The following SNAP91 variants were observed in gnomAD, a reference collection of about 807,000 sequenced individuals.
SNAP91 encodes synaptosome associated protein 91.
Under a neutral mutation model 100.3 loss-of-function variants are expected in SNAP91, and 27 were observed. The observed-to-expected ratio is 0.27, with a 90% confidence interval of 0.20 to 0.37. The LOEUF (loss-of-function observed/expected upper bound fraction) is 0.37, where lower values mean the gene tolerates loss of function less well. Among genes scored for constraint, SNAP91 ranks in the 10% least tolerant of loss-of-function variants. SNAP91 has a pLI of 1.00. For synonymous variants in SNAP91, 404 were observed against 398.6 expected, an observed-to-expected ratio of 1.01 and a Z score of -0.16; for missense variants, 986 against 1,123.7, an observed-to-expected ratio of 0.88 and a Z score of 1.75.
chr6:83,697,355 C>CAT (rs1588035713), intron 2 of SNAP91, among the ~76,000 whole-genome samples: 1 of 150,742 alleles, frequency 6.6e-6, no homozygotes, highest in East Asian at 1.9e-4. Flanking sequence ...CACACACACA[C>CAT]ACACACACAC....
intron 11 of SNAP91, 50 bp downstream of exon 11, chr6:83,614,807 C>CA: frequency 7.0e-7 from 1 of 1,437,982 alleles, no homozygotes; most frequent in Non-Finnish European, 9.4e-7. Flanking sequence ...GTGTTTTTTG[C>CA]ATTTTTAGTA....
chr6:83,666,460 T>G (rs1450500942), intron 2 of SNAP91, among the ~76,000 whole-genome samples: 1 of 152,074 alleles, frequency 6.6e-6, no homozygotes, highest in Admixed American at 6.6e-5. Context: ...CACACTTATC[T>G]TGCAGAGACC....
chr6:83,690,155 CT>C (rs1284675198), intron 2 of SNAP91: 1 of 433,046 alleles, frequency 2.3e-6, no homozygotes, highest in East Asian at 1.3e-4. Context: ...GAGAGTTTTC[CT>C]AATGATTATG....
intron 2 of SNAP91, among the ~76,000 whole-genome samples, chr6:83,702,613 A>G (rs1030534501): frequency 3.9e-5 from 6 of 152,140 alleles, no homozygotes; most frequent in African/African-American, 1.4e-4. Flanking sequence ...TTTCCATATC[A>G]ACATTTTAAA....
At position 83,659,757 on chromosome 6, in the gene SNAP91, GTT is replaced by G. The variant is rs142190338; in HGVS notation, c.453-667_453-666del. 6.0e-5 allele frequency among the ~76,000 whole-genome samples: 9 copies of G among 150,870 alleles called. No individual in the cohort carries two copies. The East Asian group carries it at 1.6e-3, about 26-fold the overall frequency. ...AAAATATAAGCTTTCAAAAAAGCCAGTTTTTTTTTCTTTTTTTTTGAGAAAGA... is the reference window on the plus strand; with the variant it reads ...AAAATATAAGCTTTCAAAAAAGCCAGTTTTTTTCTTTTTTTTTGAGAAAGA... On this transcript the variant is annotated intron_variant, in intron 5 of 29. Transcript: ENST00000369694.
chr6:83,688,865 C>T (rs1307143509), intron 2 of SNAP91, among the ~76,000 whole-genome samples: 1 of 152,144 alleles, frequency 6.6e-6, no homozygotes, highest in Non-Finnish European at 1.5e-5. Flanking sequence ...CATACCACCA[C>T]GATAGCACTT....
intron 2 of SNAP91, among the ~76,000 whole-genome samples, chr6:83,705,863 A>G (rs971686278): frequency 4.0e-5 from 6 of 151,686 alleles, no homozygotes; most frequent in Non-Finnish European, 8.8e-5. Context: ...CCATTAAGTG[A>G]TGAAAGATTA....
intron 2 of SNAP91, among the ~76,000 whole-genome samples, chr6:83,687,784 ATTGTAGGATTTATATTTATT>A (rs1250588528): frequency 6.6e-6 from 1 of 152,146 alleles, no homozygotes; most frequent in Non-Finnish European, 1.5e-5. Flanking sequence ...GGCAGAGGAG[ATTGTAGGATTTATATTTATT>A]TTGTAGACAG....
intron 7 of SNAP91, among the ~76,000 whole-genome samples, chr6:83,652,196 A>C (rs1477351753): frequency 6.6e-6 from 1 of 152,124 alleles, no homozygotes; most frequent in Non-Finnish European, 1.5e-5. Flanking sequence ...ATTGAGGTTA[A>C]AGTGATTTTT....
At chr6:83,623,645 A>C (rs1390331139) in intron 8 of SNAP91, among the ~76,000 whole-genome samples, 1 of 152,146 alleles carries the variant, frequency 6.6e-6, no homozygotes, top group Non-Finnish European at 1.5e-5. Flanking sequence ...GAAGCTCAAA[A>C]TGTAAAACAC....
intron 2 of SNAP91, among the ~76,000 whole-genome samples, chr6:83,682,580 T>C (rs1006495540): frequency 2.0e-5 from 3 of 151,918 alleles, no homozygotes; most frequent in African/African-American, 7.2e-5. Context: ...TTTTTAAATT[T>C]TTTTATTTTA....
chr6:83,647,694 A>AAT (rs2097999617), intron 7 of SNAP91, among the ~76,000 whole-genome samples: 1 of 152,142 alleles, frequency 6.6e-6, no homozygotes, highest in South Asian at 2.1e-4. Flanking sequence ...ATTTATATAT[A>AAT]ATATATTACA....
rs377372296 is a variant in SNAP91 at position 83,575,023 on chromosome 6, G to C, written c.2429C>G (p.Pro810Arg). 6 of 1,593,524 alleles carry C rather than the reference G, an allele frequency of 3.8e-6. No homozygotes were observed. Among genetic ancestry groups the C allele is most frequent in the Non-Finnish European group, 4.3e-6 (5 of 1,168,840 alleles). ...APATWSAGVP[P>R]SAPLQGAVPP... is the part of the protein sequence containing the mutation. ...ATTGCTACATACCAAAGGTGCACTT[G>C]GTGGAACGCCTGCTGACCAGGTTGC... The change falls in exon 26 of 30, where the codon CCA (proline) becomes CGA (arginine). Residue 810 changes from proline (P) to arginine (R), a missense_variant. Transcript: ENST00000369694.
At chr6:83,554,487 A>T (rs180788540) in intron 29 of SNAP91, among the ~76,000 whole-genome samples, 11 of 151,440 alleles carry the variant, frequency 7.3e-5, no homozygotes, top group East Asian at 3.9e-4. Flanking sequence ...GCCAGAAATT[A>T]AAAAAAAACT....
chr6:83,658,893 G>T, intron 6 of SNAP91, 106 bp downstream of exon 6: 1 of 787,768 alleles, frequency 1.3e-6, no homozygotes, highest in Non-Finnish European at 2.0e-6. Context: ...TCTAAATGAA[G>T]ATCTATAGCT....
intron 8 of SNAP91, among the ~76,000 whole-genome samples, chr6:83,639,041 T>A (rs2097570157): frequency 6.6e-6 from 1 of 152,206 alleles, no homozygotes. Context: ...TTTAAGAAAT[T>A]TGAATAGTTC....
intron 10 of SNAP91, 56 bp downstream of exon 10, chr6:83,616,913 T>C: frequency 8.8e-7 from 1 of 1,136,490 alleles, no homozygotes; most frequent in Non-Finnish European, 1.3e-6. Context: ...ATCTCATTCT[T>C]AGAAGAACGA....
chr6:83,691,884 GAC>G (rs2099135114), intron 2 of SNAP91, among the ~76,000 whole-genome samples: 1 of 152,118 alleles, frequency 6.6e-6, no homozygotes, highest in Non-Finnish European at 1.5e-5. Context: ...AGCCATAACA[GAC>G]ACTCCAAAGT....
At chr6:83,650,043 T>A (rs2098130914) in intron 7 of SNAP91, among the ~76,000 whole-genome samples, 1 of 152,180 alleles carries the variant, frequency 6.6e-6, no homozygotes, top group Non-Finnish European at 1.5e-5. Context: ...ACCCCATAGC[T>A]GGCATTACGA....
Sources: gnomAD v4.1 joint callset for allele counts (sites outside exome capture counted in the v4.1 genomes callset) on GRCh38, gnomAD v4.1.1 for gene constraint, MANE v1.5 for transcripts, NCBI Gene and HGNC (gene_info 2026-07-23, HGNC 2026-07-21) for gene names.